The following GALNT9 variants were observed in gnomAD, a reference collection of about 807,000 sequenced individuals.
The protein encoded by GALNT9 is polypeptide N-acetylgalactosaminyltransferase 9.
GALNT9 carries 47 observed loss-of-function variants against 63.1 expected under a neutral mutation model. That is an observed-to-expected ratio of 0.75 (90% confidence interval 0.59 to 0.95). The LOEUF is 0.95. Ranked by LOEUF, GALNT9 falls within the 40% of genes least tolerant of loss-of-function variation. GALNT9 has a pLI of 0.00. For synonymous variants in GALNT9, 396 were observed against 365.7 expected, an observed-to-expected ratio of 1.08 and a Z score of -0.94; for missense variants, 829 against 874.8, an observed-to-expected ratio of 0.95 and a Z score of 0.66.
intron 6 of GALNT9, among the ~76,000 whole-genome samples, chr12:132,225,710 G>A (rs1593071961): frequency 2.0e-5 from 2 of 99,828 alleles, no homozygotes; most frequent in South Asian, 3.4e-4. Flanking sequence ...CACACTGTAC[G>A]TACACACCCC....
chr12:132,233,398 C>G, intron 6 of GALNT9, among the ~76,000 whole-genome samples: 1 of 39,072 alleles, frequency 2.6e-5, no homozygotes, highest in African/African-American at 1.8e-4. Flanking sequence ...GAGGAGACAG[C>G]GTGGAGCCCC....
intron 6 of GALNT9, among the ~76,000 whole-genome samples, chr12:132,208,982 G>A (rs192419002): frequency 6.6e-6 from 1 of 152,192 alleles, no homozygotes; most frequent in African/African-American, 2.4e-5. Flanking sequence ...TAGCACCTCT[G>A]GTAACTCTCA....
chr12:132,308,817 G>A (rs781871845), intron 1 of GALNT9, among the ~76,000 whole-genome samples: 8 of 151,902 alleles, frequency 5.3e-5, no homozygotes, highest in South Asian at 2.1e-4. Context: ...TGCACCGGCC[G>A]TCCTCACACC....
intron 8 of GALNT9, 148 bp from the exon 9 acceptor site, chr12:132,199,417 G>T: frequency 5.0e-6 from 3 of 605,494 alleles, no homozygotes; most frequent in Middle Eastern, 3.3e-4. Flanking sequence ...CGGGTGGGCT[G>T]CCTGGGAAGG....
intron 5 of GALNT9, among the ~76,000 whole-genome samples, chr12:132,251,609 C>G (rs1878918233): frequency 6.6e-6 from 1 of 152,218 alleles, no homozygotes; most frequent in South Asian, 2.1e-4. Flanking sequence ...GGGACAGCAC[C>G]CTGTTCTTTG....
intron 5 of GALNT9, among the ~76,000 whole-genome samples, chr12:132,253,942 GC>G (rs1555238807): frequency 6.6e-6 from 1 of 152,090 alleles, no homozygotes; most frequent in East Asian, 1.9e-4. Context: ...TGTCAATAAA[GC>G]TTTATTTACA....
At chr12:132,322,226 T>C (rs1868835502) in intron 1 of GALNT9, among the ~76,000 whole-genome samples, 1 of 152,132 alleles carries the variant, frequency 6.6e-6, no homozygotes, top group Admixed American at 6.5e-5. Flanking sequence ...TCCACGTCAC[T>C]CAGGCCTCCT....
At chr12:132,198,000 A>C (rs768618569) in intron 9 of GALNT9, 41 bp from the exon 10 acceptor site, 3 of 1,548,506 alleles carry the variant, frequency 1.9e-6, no homozygotes, top group East Asian at 4.6e-5. Context: ...AGCAGCGCCC[A>C]GGCTCTCCCC....
intron 1 of GALNT9, among the ~76,000 whole-genome samples, chr12:132,321,125 G>C (rs374537683): frequency 6.6e-6 from 1 of 152,142 alleles, no homozygotes; most frequent in Non-Finnish European, 1.5e-5. Flanking sequence ...GGGCGGCCCC[G>C]CCAGGAAGAA....
rs1422464690 is a variant in GALNT9, at chr12:132,327,773, A to G, written c.238+1193T>C. 6.6e-6 allele frequency among the ~76,000 whole-genome samples: 1 copy of G among 152,096 alleles called. No homozygotes were observed. Among genetic ancestry groups the G allele is most frequent in the Non-Finnish European group, 1.5e-5 (1 of 68,006 alleles). On this transcript the variant is annotated intron_variant, in intron 1 of 10. Coordinates refer to ENST00000328957, the MANE Select transcript of GALNT9 (RefSeq NM_001122636.2). The surrounding 1 kb of genome is among the most constrained non-coding windows in gnomAD (Gnocchi z 4.3). ...GAAGTCAGGGTGCTCTGAGTCAGAC[A>G]AAGCTGGGACAACCCCTCCTCATGG...
At chr12:132,313,163 A>C in intron 1 of GALNT9, among the ~76,000 whole-genome samples, 1 of 119,080 alleles carries the variant, frequency 8.4e-6, no homozygotes, top group Non-Finnish European at 1.7e-5. Context: ...TCACCCACCC[A>C]TCCATCCACC....
At chr12:132,268,569 A>T (rs1593095165) in intron 2 of GALNT9, among the ~76,000 whole-genome samples, 1 of 152,190 alleles carries the variant, frequency 6.6e-6, no homozygotes, top group Admixed American at 6.5e-5. Flanking sequence ...AAAATAAAAA[A>T]CCATCTGTTC....
chr12:132,291,136 G>T (rs1267641020), intron 1 of GALNT9, among the ~76,000 whole-genome samples: 1 of 42,932 alleles, frequency 2.3e-5, no homozygotes, highest in Non-Finnish European at 4.1e-5. Flanking sequence ...CACATCCACA[G>T]CACCCACAAC....
In GALNT9 at chr12:132,240,819, AGGCCGTCC is replaced by A. The variant is rs1878260536; in HGVS notation, c.1077+7083_1077+7090del. The A allele has an allele frequency of 8.0e-6, 3 of 376,976 alleles. No individual in the cohort carries two copies. The East Asian group carries it at 2.5e-4, about 31-fold the overall frequency. The allele number at this position is 376,976 out of a possible 1,614,324, so 23.4% of individuals were successfully genotyped here. A position where few individuals can be genotyped will look rare whatever the true frequency, so the allele number is the denominator to read the frequency against. On this transcript the variant is annotated intron_variant, in intron 6 of 10. Coordinates refer to ENST00000328957, the MANE Select transcript of GALNT9 (RefSeq NM_001122636.2). ...ACACACATGCCACACACCCTTCCCA[AGGCCGTCC>A]CTATACCCATTACACACACACCACA...
intron 7 of GALNT9, 129 bp from the exon 8 acceptor site, chr12:132,201,390 T>C: frequency 1.7e-6 from 1 of 571,738 alleles, no homozygotes; most frequent in East Asian, 2.9e-5. Context: ...AGTATTCAGA[T>C]GCTGAGGCCC....
chr12:132,293,165 G>T (rs1555242940), intron 1 of GALNT9, among the ~76,000 whole-genome samples: 2 of 152,128 alleles, frequency 1.3e-5, no homozygotes, highest in Non-Finnish European at 2.9e-5. Context: ...GGACTGAGTG[G>T]GGGGGCTCAG....
At chr12:132,198,089 C>G in intron 9 of GALNT9, 130 bp from the exon 10 acceptor site, 1 of 739,078 alleles carries the variant, frequency 1.4e-6, no homozygotes, top group Non-Finnish European at 2.2e-6. Flanking sequence ...CCTCCCACCC[C>G]GGGGACGCTG....
At chr12:132,267,158 G>C (rs1879631666) in intron 2 of GALNT9, among the ~76,000 whole-genome samples, 1 of 152,178 alleles carries the variant, frequency 6.6e-6, no homozygotes, top group Admixed American at 6.5e-5. Flanking sequence ...CCTGAGCCCA[G>C]AGCTTGAGCA....
chr12:132,204,365 G>A (rs962719132), intron 6 of GALNT9, among the ~76,000 whole-genome samples: 1 of 152,106 alleles, frequency 6.6e-6, no homozygotes, highest in Non-Finnish European at 1.5e-5. Context: ...TTGTGTCAGC[G>A]TGGCAGGGAA....
Sources: gnomAD v4.1 joint callset for allele counts (sites outside exome capture counted in the v4.1 genomes callset) on GRCh38, gnomAD v4.1.1 for gene constraint, Gnocchi (gnomAD v3.1) non-coding constraint, MANE v1.5 for transcripts, NCBI Gene and HGNC (gene_info 2026-07-23, HGNC 2026-07-21) for gene names.